TTC34: variants seen among roughly 807,000 people sequenced by gnomAD.
The protein encoded by TTC34 is tetratricopeptide repeat domain 34.
TTC34 carries 44 observed loss-of-function variants against 40.7 expected under a neutral mutation model. That is an observed-to-expected ratio of 1.08 (90% CI 0.85 to 1.39). The LOEUF is 1.39. TTC34 is among the 40% of genes most tolerant of loss of function. TTC34 has a pLI of 0.00. For missense variants in TTC34, 884 were observed against 838.0 expected (o/e 1.05, Z -0.68); for synonymous variants, 422 against 398.6 (o/e 1.06, Z -0.70).
intron 6 of TTC34, among the ~76,000 whole-genome samples, chr1:2,751,261 C>G (rs1641309334): frequency 8.7e-6 from 1 of 115,228 alleles, no homozygotes; most frequent in Non-Finnish European, 1.7e-5. Context: ...CAGTGAGCAT[C>G]CGACAGCCTG....
In TTC34 at chr1:2,691,986, C is replaced by A. The variant is rs1431906020; in HGVS notation, c.2227-46423G>T. The stretch of plus-strand genomic sequence containing the variant: ...GACAGACTGGAACAGCTCCCACACC[C>A]CCAGGCGAGCATCTGACAGCATGTA... On this transcript the variant is annotated intron_variant, in intron 6 of 8. Coordinates refer to ENST00000401095, the Ensembl canonical transcript of TTC34. Among the ~76,000 whole-genome samples, 2 of 84,232 alleles carry A rather than the reference C, an allele frequency of 2.4e-5. 1 individual carries two copies. Among genetic ancestry groups the A allele is most frequent in the Non-Finnish European group, 5.4e-5 (2 of 37,006 alleles). The allele number at this position is 84,232 out of a possible 152,430, so 55.3% of individuals were successfully genotyped here. A position where few individuals can be genotyped will look rare whatever the true frequency, so the allele number is the denominator to read the frequency against.
intron 6 of TTC34, among the ~76,000 whole-genome samples, chr1:2,683,403 CATCCGAT>C (rs1640167703): frequency 7.3e-6 from 1 of 136,870 alleles, no homozygotes; most frequent in African/African-American, 2.8e-5. Flanking sequence ...CCCAGGTGAG[CATCCGAT>C]AGCCTGGAAC....
chr1:2,641,510 T>C, exon 9 of TTC34: 7 of 1,535,546 alleles, frequency 4.6e-6, no homozygotes, highest in Non-Finnish European at 6.1e-6. Flanking sequence ...CAGGCAGCAC[T>C]GCCCGCGGAG....
chr1:2,641,234 C>A, exon 9 of TTC34: 1 of 892,702 alleles, frequency 1.1e-6, no homozygotes, highest in African/African-American at 2.9e-5. Flanking sequence ...GTGGGGAGGG[C>A]TGGGAAGGGG....
chr1:2,798,068 G>C (rs187606676), intron 2 of TTC34, among the ~76,000 whole-genome samples: 2 of 150,006 alleles, frequency 1.3e-5, no homozygotes, highest in African/African-American at 4.9e-5. Flanking sequence ...CAGCCTCTCA[G>C]CCTCTTAGCC....
intron 6 of TTC34, among the ~76,000 whole-genome samples, chr1:2,769,659 C>A (rs532096468): frequency 1.5e-5 from 2 of 129,652 alleles, no homozygotes; most frequent in East Asian, 4.9e-4. Context: ...CAGCCTGGAG[C>A]AGCACCCTAC....
chr1:2,775,661 AC>A (rs1463208835), intron 6 of TTC34: 5 of 147,882 alleles, frequency 3.4e-5, no homozygotes, highest in Non-Finnish European at 5.9e-5. Context: ...ATAAAACAGC[AC>A]CCCACAACCC....
chr1:2,700,172 C>T lies in TTC34; in HGVS notation c.2227-54609G>A, dbSNP rs1023954806. On this transcript the variant is annotated intron_variant, in intron 6 of 8. Coordinates refer to ENST00000401095, the Ensembl canonical transcript of TTC34. ...GGACATCCTGGAGCATCACATACTCCCCCAGGTGAGCATCCGACAGCCTGG... is the reference window on the plus strand; with the variant it reads ...GGACATCCTGGAGCATCACATACTCTCCCAGGTGAGCATCCGACAGCCTGG... 3.0e-5 allele frequency among the ~76,000 whole-genome samples: 3 copies of T among 100,560 alleles called. 1 individual carries two copies. Among genetic ancestry groups the T allele is most frequent in the Non-Finnish European group, 4.8e-5 (2 of 41,968 alleles). 66.0% of individuals were successfully genotyped at this position (100,560 alleles called of 152,430 possible).
chr1:2,681,457 A>C, intron 6 of TTC34, among the ~76,000 whole-genome samples: 1 of 120,454 alleles, frequency 8.3e-6, no homozygotes, highest in African/African-American at 2.7e-5. Context: ...CTGGAACAGC[A>C]CCCTGCACCC....
intron 6 of TTC34, among the ~76,000 whole-genome samples, chr1:2,686,200 C>A (rs1329431203): frequency 7.0e-5 from 3 of 42,860 alleles, no homozygotes; most frequent in East Asian, 9.5e-4. Flanking sequence ...AGCGCCCACA[C>A]CCCCAGGCGA....
intron 6 of TTC34, among the ~76,000 whole-genome samples, chr1:2,761,339 T>G (rs1415027847): frequency 5.7e-5 from 3 of 52,832 alleles, no homozygotes; most frequent in Non-Finnish European, 3.2e-5. Flanking sequence ...GGTGAGTATC[T>G]GACAGCCTGG....
chr1:2,789,880 G>A, exon 3 of TTC34: 1 of 418,914 alleles, frequency 2.4e-6, no homozygotes, highest in Non-Finnish European at 4.2e-6. Flanking sequence ...GCAGAGCCAG[G>A]AGAGGTGCGC....
intron 6 of TTC34, among the ~76,000 whole-genome samples, chr1:2,681,822 C>G (rs375710601): frequency 8.8e-6 from 1 of 113,824 alleles, no homozygotes. Context: ...GCAACACCGA[C>G]ACCCACAGGT....
exon 9 of TTC34, chr1:2,640,651 C>T (rs1178090969): frequency 6.6e-6 from 1 of 152,056 alleles, no homozygotes; most frequent in African/African-American, 2.4e-5. Context: ...GGAGAGGGCT[C>T]AGGCTCTACT....
intron 6 of TTC34, among the ~76,000 whole-genome samples, chr1:2,688,610 C>A (rs1237244546): frequency 2.2e-5 from 3 of 136,366 alleles, no homozygotes; most frequent in Admixed American, 7.2e-5. Context: ...AGCACCCACA[C>A]CCCCAGGTGC....
intron 6 of TTC34, among the ~76,000 whole-genome samples, chr1:2,757,705 C>T (rs1305890654): frequency 1.4e-5 from 2 of 146,094 alleles, no homozygotes; most frequent in African/African-American, 5.2e-5. Flanking sequence ...GGAGCAGCAC[C>T]CCACACCCAC....
chr1:2,749,418 G>C (rs1461292930), intron 6 of TTC34, among the ~76,000 whole-genome samples: 26 of 95,126 alleles, frequency 2.7e-4, no homozygotes, highest in African/African-American at 4.5e-4. Flanking sequence ...AGGTGCGCAC[G>C]TGACAGCCTG....
intron 6 of TTC34, among the ~76,000 whole-genome samples, chr1:2,777,280 C>T (rs1267693000): frequency 7.9e-6 from 1 of 126,428 alleles, no homozygotes; most frequent in Non-Finnish European, 1.6e-5. Flanking sequence ...CAACCTGGAG[C>T]AGCACCCCAC....
At chr1:2,647,794 G>A (rs1639050348) in intron 6 of TTC34, among the ~76,000 whole-genome samples, 1 of 152,152 alleles carries the variant, frequency 6.6e-6, no homozygotes, top group African/African-American at 2.4e-5. Context: ...AGCTCTCATC[G>A]TTTGAAACAG....
Sources: allele counts gnomAD v4.1 joint callset (sites outside exome capture counted in the v4.1 genomes callset), GRCh38; gene constraint gnomAD v4.1.1; transcripts MANE v1.5; gene names NCBI Gene and HGNC (gene_info 2026-07-23, HGNC 2026-07-21).